KCNH1: variants seen among roughly 807,000 people sequenced by gnomAD.
KCNH1 encodes the protein voltage-gated delayed rectifier potassium channel KCNH1.
In KCNH1, 27 loss-of-function variants were observed where a neutral mutation model predicts 69.2. The ratio of observed to expected loss-of-function variants is 0.39; its 90% CI spans 0.29 to 0.54. KCNH1 has a LOEUF of 0.54. KCNH1 is among the 20% of genes least tolerant of loss of function. The pLI is 0.68. For synonymous variants in KCNH1, 456 were observed against 487.7 expected (o/e 0.93, Z 0.86); for missense variants, 798 against 1,261.6 (o/e 0.63, Z 5.57).
intron 6 of KCNH1, among the ~76,000 whole-genome samples, chr1:211,009,058 A>G (rs1689344621): frequency 6.6e-6 from 1 of 152,234 alleles, no homozygotes; most frequent in African/African-American, 2.4e-5. Flanking sequence ...CCCCAAGGCC[A>G]GCAAGAGGCC....
chr1:210,803,871 A>G, intron 8 of KCNH1, 96 bp downstream of exon 8: 1 of 1,072,022 alleles, frequency 9.3e-7, no homozygotes, highest in Non-Finnish European at 1.4e-6. Flanking sequence ...AATTCTGAGC[A>G]CAGCCAGGTT....
intron 10 of KCNH1, among the ~76,000 whole-genome samples, chr1:210,770,758 G>A (rs964655357): frequency 1.3e-5 from 2 of 152,216 alleles, no homozygotes; most frequent in African/African-American, 4.8e-5. Context: ...AGATACTTAG[G>A]AGACAACCCA....
chr1:210,790,815 G>A (rs931245258), intron 9 of KCNH1, among the ~76,000 whole-genome samples: 1 of 152,140 alleles, frequency 6.6e-6, no homozygotes, highest in Non-Finnish European at 1.5e-5. Flanking sequence ...ATCTGTAATA[G>A]TGCCATGCTT....
intron 5 of KCNH1, among the ~76,000 whole-genome samples, chr1:211,080,514 A>T (rs915895035): frequency 2.0e-5 from 3 of 152,228 alleles, no homozygotes; most frequent in Non-Finnish European, 4.4e-5. Flanking sequence ...TGCCAAGACA[A>T]TCCTAAGCAA....
intron 7 of KCNH1, among the ~76,000 whole-genome samples, chr1:210,894,401 C>T (rs1686816905): frequency 6.6e-6 from 1 of 152,184 alleles, no homozygotes; most frequent in Non-Finnish European, 1.5e-5. Flanking sequence ...TTCTTCCCAA[C>T]CTTGTGCAAG....
chr1:211,068,169 C>G (rs1469064704), intron 5 of KCNH1, among the ~76,000 whole-genome samples: 1 of 152,194 alleles, frequency 6.6e-6, no homozygotes, highest in African/African-American at 2.4e-5. Flanking sequence ...CAATTTTTTC[C>G]TAGCAGTGGG....
At chr1:210,697,024 G>A (rs1368011892) in intron 10 of KCNH1, among the ~76,000 whole-genome samples, 1 of 152,170 alleles carries the variant, frequency 6.6e-6, no homozygotes, top group Non-Finnish European at 1.5e-5. Context: ...ACTATTATTA[G>A]TCCTCTTTCA....
chr1:211,098,908 G>T (rs1691205837), intron 3 of KCNH1, among the ~76,000 whole-genome samples: 1 of 152,208 alleles, frequency 6.6e-6, no homozygotes, highest in African/African-American at 2.4e-5. Flanking sequence ...ACTTGGAAAT[G>T]AGTTCAGTTC....
chr1:210,766,382 G>A (rs1205890384), intron 10 of KCNH1, among the ~76,000 whole-genome samples: 1 of 152,164 alleles, frequency 6.6e-6, no homozygotes, highest in Non-Finnish European at 1.5e-5. Context: ...AAAATTAGCT[G>A]GGCATAGTGG....
chr1:210,887,722 C>CAAAAAAA, intron 7 of KCNH1, among the ~76,000 whole-genome samples: 1 of 55,072 alleles, frequency 1.8e-5, no homozygotes, highest in East Asian at 7.2e-4. Flanking sequence ...AATGGAAAGC[C>CAAAAAAA]AAAAAAAAAA....
intron 6 of KCNH1, among the ~76,000 whole-genome samples, chr1:210,976,021 C>T (rs1489850816): frequency 1.3e-5 from 2 of 152,190 alleles, no homozygotes; most frequent in Admixed American, 1.3e-4. Flanking sequence ...CACTGGCTAT[C>T]AGAGAAACGC....
intron 5 of KCNH1, among the ~76,000 whole-genome samples, chr1:211,052,960 G>A (rs192443403): frequency 1.2e-3 from 186 of 152,314 alleles, no homozygotes; most frequent in African/African-American, 4.2e-3. Context: ...TCTCAGGCAC[G>A]TAAGGAAAGC....
intron 10 of KCNH1, among the ~76,000 whole-genome samples, chr1:210,713,131 C>T (rs1020492172): frequency 2.4e-4 from 37 of 151,978 alleles, no homozygotes; most frequent in African/African-American, 8.7e-4. Context: ...GTTTCAAAAA[C>T]AACAACATAT....
chr1:210,799,941 C>A (rs957475166), intron 8 of KCNH1, among the ~76,000 whole-genome samples: 8 of 152,246 alleles, frequency 5.3e-5, no homozygotes, highest in Non-Finnish European at 1.2e-4. Flanking sequence ...GTTGAAATCC[C>A]AGCTCCTTCC....
At chr1:210,850,898 G>A (rs1685685005) in intron 7 of KCNH1, among the ~76,000 whole-genome samples, 1 of 152,142 alleles carries the variant, frequency 6.6e-6, no homozygotes, top group Non-Finnish European at 1.5e-5. Context: ...GAGCCTACTG[G>A]CCTCCAACAG....
intron 10 of KCNH1, among the ~76,000 whole-genome samples, chr1:210,768,972 TATGG>T (rs1683695849): frequency 6.6e-6 from 1 of 152,134 alleles, no homozygotes; most frequent in South Asian, 2.1e-4. Context: ...CTAAAAGAAT[TATGG>T]TCATGTCACT....
chr1:211,079,002 C>T (rs918646172), intron 5 of KCNH1, among the ~76,000 whole-genome samples: 1 of 150,834 alleles, frequency 6.6e-6, no homozygotes, highest in South Asian at 2.1e-4. Flanking sequence ...CAAAAAAAAC[C>T]TTCAAAAAAT....
chr1:210,942,851 T>C (rs977402992), intron 6 of KCNH1, among the ~76,000 whole-genome samples: 5 of 152,160 alleles, frequency 3.3e-5, no homozygotes, highest in African/African-American at 1.2e-4. Flanking sequence ...CTAAACTTGC[T>C]TTAAAAGATC....
At position 211,082,838 on chromosome 1, in the gene KCNH1, T is replaced by G; in HGVS notation, c.500A>C (p.Gln167Pro). The change falls in exon 5 of 11, where the codon CAG becomes CCG. Residue 167 changes from glutamine (Q) to proline (P), a missense_variant. Transcript: ENST00000271751. ...ALTSSRGVLQQLAPSVQKGEN... is the reference protein window; with the variant it reads ...ALTSSRGVLQPLAPSVQKGEN... ...GCCTTTTTGCACGCTTGGAGCCAGC[T>G]GCTGCAGGACACCCCTGCTGCTTGT... 1 of 1,614,224 alleles carries G rather than the reference T, an allele frequency of 6.2e-7. No individual in the cohort carries two copies. The highest frequency in any genetic ancestry group is 8.5e-7 in the Non-Finnish European group (1 of 1,180,030).
Sources: gnomAD v4.1 joint callset for allele counts (sites outside exome capture counted in the v4.1 genomes callset) on GRCh38, gnomAD v4.1.1 for gene constraint, MANE v1.5 for transcripts, NCBI Gene and HGNC (gene_info 2026-07-23, HGNC 2026-07-21) for gene names.